STK38: variants seen among roughly 807,000 people sequenced by gnomAD.
STK38 encodes serine/threonine kinase 38, also known as serine/threonine-protein kinase 38.
Under a neutral mutation model 59.0 loss-of-function variants are expected in STK38, and 26 were observed. That is an observed-to-expected ratio of 0.44 (90% CI 0.32 to 0.61). The LOEUF is 0.61. Ranked by LOEUF, STK38 falls within the 20% of genes least tolerant of loss-of-function variation. The pLI is 0.04. For synonymous variants in STK38, 175 were observed against 176.6 expected, an observed-to-expected ratio of 0.99 and a Z score of 0.07; for missense variants, 433 against 566.0, an observed-to-expected ratio of 0.76 and a Z score of 2.38.
Position 36,543,068 on chromosome 6 carries a change from A to C in STK38, c.-5-2861T>G, listed in dbSNP as rs546802552. 2.4e-4 allele frequency among the ~76,000 whole-genome samples: 37 copies of C among 151,856 alleles called. 1 individual carries two copies. In the East Asian group the frequency reaches 7.2e-3, roughly 29 times the overall value. On this transcript the variant is annotated intron_variant, in intron 1 of 13. Coordinates refer to ENST00000229812, the MANE Select transcript of STK38 (RefSeq NM_007271.4). The stretch of plus-strand genomic sequence containing the variant: ...TGCTCCAGCATTGGCAATAGCGCTC[A>C]ATTTTTTTTTTTTTGAGACGAAGTC...
At chr6:36,517,986 A>G in intron 5 of STK38, 146 bp from the exon 6 acceptor site, 2 of 1,103,954 alleles carry the variant, frequency 1.8e-6, no homozygotes. Context: ...CTGCTTAGGC[A>G]AACCTACTAA....
rs1000047316 is a variant in STK38 at position 36,495,032 on chromosome 6, A to G, written c.*752T>C. The G allele has an allele frequency of 6.6e-6, 1 of 152,510 alleles. No homozygotes were observed. The highest frequency in any genetic ancestry group is 1.5e-5 in the Non-Finnish European group (1 of 68,062). The allele number at this position is 152,510 out of a possible 1,614,324, so 9.4% of individuals were successfully genotyped here. ...GTGAGGGTTTTCCACATAATCCGGG[A>G]TTTCTTGGCAATGCCCAAAGACTTT... On this transcript the variant is annotated 3_prime_UTR_variant, in exon 14 of 14. Transcript: ENST00000229812.
intron 3 of STK38, among the ~76,000 whole-genome samples, chr6:36,525,204 A>C (rs1777481791): frequency 6.6e-6 from 1 of 152,238 alleles, no homozygotes; most frequent in South Asian, 2.1e-4. Context: ...ATAAACCTGC[A>C]TGTTCAGCAC....
intron 5 of STK38, among the ~76,000 whole-genome samples, chr6:36,521,357 C>T (rs1218648613): frequency 1.3e-5 from 2 of 151,758 alleles, no homozygotes; most frequent in African/African-American, 2.4e-5. Flanking sequence ...ATTCCTAGTC[C>T]TTAGTTATGA....
At chr6:36,540,987 C>T (rs1777923314) in intron 1 of STK38, among the ~76,000 whole-genome samples, 1 of 152,170 alleles carries the variant, frequency 6.6e-6, no homozygotes, top group Admixed American at 6.5e-5. Context: ...CAACCTACAC[C>T]TCCCAGGTTC....
chr6:36,528,096 G>A (rs1348288320), intron 2 of STK38, among the ~76,000 whole-genome samples: 4 of 151,200 alleles, frequency 2.6e-5, no homozygotes, highest in African/African-American at 9.7e-5. Flanking sequence ...GTAACAGAGC[G>A]AGACTCCATC....
intron 1 of STK38, among the ~76,000 whole-genome samples, chr6:36,542,323 G>A (rs1006314205): frequency 6.6e-6 from 1 of 152,052 alleles, no homozygotes; most frequent in Non-Finnish European, 1.5e-5. Context: ...AAAGTTTTAA[G>A]TCTTAAAATA....
rs377758354 is a variant in STK38 at position 36,500,160 on chromosome 6, T to C, written c.835-170A>G. On this transcript the variant is annotated intron_variant, in intron 9 of 13. Coordinates refer to ENST00000229812, the MANE Select transcript of STK38 (RefSeq NM_007271.4). ...CGATTTCCCAAAGCACTTTCCAAAA[T>C]GAACAATAAAGCTTTGTTCATGAGG... Among the ~76,000 whole-genome samples, 7 of 152,226 alleles carry C rather than the reference T, an allele frequency of 4.6e-5. 1 individual carries two copies. Among genetic ancestry groups the C allele is most frequent in the African/African-American group, 1.7e-4 (7 of 41,528 alleles).
intron 2 of STK38, among the ~76,000 whole-genome samples, chr6:36,533,084 G>A (rs1445120386): frequency 2.3e-5 from 3 of 130,380 alleles, no homozygotes; most frequent in African/African-American, 6.7e-5. Flanking sequence ...AAAAAAAAAG[G>A]GGTACACAAC....
rs1187795017 is a variant in STK38, at chr6:36,507,511, G to A, written c.761C>T (p.Pro254Leu). ...EFYRNLNHSL[P>L]SDFTFQNMNS... ...TTGTTACCACTTACTGAAATCACTG[G>A]GGAGGCTGTGGTTCAGATTCCTATA... Residue 254 changes from proline to leucine, a missense_variant, in exon 8 of 14, where the codon CCC (proline) becomes CTC (leucine). Pro to Leu is a moderately conservative substitution (Grantham distance 98). Around this residue, in one of 3 missense-constraint regions of STK38, gnomAD observed 293 missense variants for 388.2 expected, o/e 0.75. Transcript: ENST00000229812. The A allele has an allele frequency of 1.2e-6, 2 of 1,613,942 alleles. No individual in the cohort carries two copies. The highest frequency in any genetic ancestry group is 8.5e-7 in the Non-Finnish European group (1 of 1,179,892).
At chr6:36,543,189 C>T (rs996432500) in intron 1 of STK38, among the ~76,000 whole-genome samples, 28 of 151,556 alleles carry the variant, frequency 1.8e-4, no homozygotes, top group African/African-American at 6.5e-4. Context: ...CTCAGCCTCC[C>T]GAGTAGCTGG....
At chr6:36,498,309 G>A in intron 11 of STK38, 54 bp downstream of exon 11, 1 of 1,574,450 alleles carries the variant, frequency 6.4e-7, no homozygotes, top group Non-Finnish European at 8.6e-7. Context: ...TAAAAAAATG[G>A]AATCATTCAT....
chr6:36,515,046 C>T (rs934382944), intron 7 of STK38, among the ~76,000 whole-genome samples: 4 of 152,008 alleles, frequency 2.6e-5, no homozygotes, highest in Middle Eastern at 3.2e-3. Flanking sequence ...TAATTATATG[C>T]TAAGAGAAGG....
chr6:36,495,991 T>A, intron 13 of STK38, 77 bp from the exon 14 acceptor site: 1 of 1,519,374 alleles, frequency 6.6e-7, no homozygotes. Context: ...AAGACAGGAC[T>A]ATGAAGAACA....
intron 7 of STK38, among the ~76,000 whole-genome samples, chr6:36,510,566 C>A (rs1369682875): frequency 6.6e-6 from 1 of 152,228 alleles, no homozygotes; most frequent in Non-Finnish European, 1.5e-5. Context: ...CCTGACCGCA[C>A]CTCCCCCACT....
intron 2 of STK38, among the ~76,000 whole-genome samples, chr6:36,526,823 G>C (rs531983248): frequency 4.5e-4 from 69 of 152,100 alleles, no homozygotes; most frequent in African/African-American, 1.6e-3. Flanking sequence ...GAACCCAGGA[G>C]GTGGAGGCTG....
intron 1 of STK38, among the ~76,000 whole-genome samples, chr6:36,543,499 C>T (rs1040792758): frequency 7.9e-5 from 12 of 152,182 alleles, no homozygotes; most frequent in Admixed American, 7.9e-4. Flanking sequence ...AATCCCATCA[C>T]TTTGGGAGGG....
intron 9 of STK38, 74 bp from the exon 10 acceptor site, chr6:36,500,064 G>A (rs1350367402): frequency 1.1e-5 from 12 of 1,120,644 alleles, no homozygotes; most frequent in Non-Finnish European, 1.6e-5. Context: ...AGAAACCAAA[G>A]GCTATGAGTA....
At position 36,495,702 on chromosome 6, in the gene STK38, G is replaced by A. The variant is rs1776683815; in HGVS notation, c.*82C>T. Reference sequence around the variant, plus strand: ...TATTGGTGGGTTCCATCAACTTCTTGGAAGCTCTTCAAGAGTGTGAGAGGA... The same window carrying A: ...TATTGGTGGGTTCCATCAACTTCTTAGAAGCTCTTCAAGAGTGTGAGAGGA... On this transcript the variant is annotated 3_prime_UTR_variant, in exon 14 of 14. Transcript: ENST00000229812. The A allele has an allele frequency of 1.3e-6, 2 of 1,571,386 alleles. No individual in the cohort carries two copies. The highest frequency in any genetic ancestry group is 2.7e-5 in the African/African-American group (2 of 73,890).
Sources: gnomAD v4.1 joint callset for allele counts (sites outside exome capture counted in the v4.1 genomes callset) on GRCh38, gnomAD v4.1.1 for gene constraint, gnomAD v4.1.1 regional missense constraint, MANE v1.5 for transcripts, NCBI Gene and HGNC (gene_info 2026-07-23, HGNC 2026-07-21) for gene names.